Variants in CATSPER2 observed in about 807,000 individuals in gnomAD.
CATSPER2 encodes the protein cation channel sperm-associated protein 2.
CATSPER2 carries 56 observed loss-of-function variants against 68.8 expected under a neutral mutation model. The ratio of observed to expected loss-of-function variants is 0.81; its 90% CI spans 0.66 to 1.02. The LOEUF (loss-of-function observed/expected upper bound fraction) is 1.02, where lower values mean the gene tolerates loss of function less well. Among genes scored for constraint, CATSPER2 ranks in the 50% least tolerant of loss-of-function variants. CATSPER2 has a pLI of 0.00. For synonymous variants in CATSPER2, 198 were observed against 229.9 expected (o/e 0.86, Z 1.26); for missense variants, 582 against 642.0 (o/e 0.91, Z 1.01).
At chr15:43,638,080 G>A in intron 7 of CATSPER2, among the ~76,000 whole-genome samples, 1 of 150,770 alleles carries the variant, frequency 6.6e-6, no homozygotes, top group Admixed American at 6.6e-5. Flanking sequence ...TCAGCCTCTG[G>A]AGTAGCTGGG....
chr15:43,630,779 C>T (rs2085857750), intron 12 of CATSPER2, 47 bp from the exon 13 acceptor site: 1 of 1,611,854 alleles, frequency 6.2e-7, no homozygotes, highest in Admixed American at 1.7e-5. Flanking sequence ...GAATATTCTA[C>T]ATATATAAAT....
Position 43,632,337 on chromosome 15 carries a change from G to A in CATSPER2, c.1423C>T (p.His475Tyr), listed in dbSNP as rs1567125178. Residue 475 changes from histidine (H) to tyrosine (Y), a missense_variant, in exon 12 of 13, where the codon CAC becomes TAC. His to Tyr is a moderately conservative substitution (Grantham distance 83). This residue lies in a region of CATSPER2 where 235 missense variants were observed against 264.2 expected (regional missense o/e 0.89). Coordinates refer to ENST00000396879, the MANE Select transcript of CATSPER2 (RefSeq NM_172095.4). ...TCCATTAGCCCGGGCAGATTTTCGT[G>A]CACAAGAGTCTCCCAGTCCAAACGA... is the stretch of plus-strand genomic sequence containing the variant. ...IGRLDWETLV[H>Y]ENLPGLMEMD... 2 of 1,613,664 alleles carry A rather than the reference G, an allele frequency of 1.2e-6. No homozygotes were observed. The highest frequency in any genetic ancestry group is 4.5e-5 in the East Asian group (2 of 44,864).
intron 4 of CATSPER2, 82 bp downstream of exon 4, chr15:43,646,968 C>A: frequency 8.3e-7 from 1 of 1,199,266 alleles, no homozygotes. Flanking sequence ...CCACACGCCC[C>A]GGCCTCCCAA....
At chr15:43,634,847 A>T (rs2141552834) in intron 10 of CATSPER2, 1 of 160,700 alleles carries the variant, frequency 6.2e-6, no homozygotes, top group Admixed American at 5.9e-5. Flanking sequence ...AAAATGACAG[A>T]AATATATTCC....
rs750782349 is a variant in CATSPER2, at chr15:43,636,158, G to A, written c.904C>T (p.Leu302=). 115 of 1,609,328 alleles carry A rather than the reference G, an allele frequency of 7.1e-5. No individual in the cohort carries two copies. The highest frequency in any genetic ancestry group is 9.3e-5 in the Non-Finnish European group (110 of 1,176,736). Residue 302 remains leucine, a synonymous_variant, in exon 8 of 13, where the codon CTG becomes TTG. Transcript: ENST00000396879. ...ILFTLDHWYA[L]LQDVWKVPEV... is the part of the protein sequence containing the mutation. ...GGCACCTTCCAGACGTCCTGAAGCA[G>A]TGCATACCAATGATCCAAGGTGAAG...
intron 3 of CATSPER2, 41 bp from the exon 4 acceptor site, chr15:43,647,159 T>C (rs746656174): frequency 2.8e-5 from 45 of 1,584,322 alleles, no homozygotes; most frequent in Non-Finnish European, 3.2e-5. Context: ...GAGTTCTTTC[T>C]GATTTATGCA....
intron 12 of CATSPER2, 124 bp downstream of exon 12, chr15:43,632,075 T>G (rs1301762109): frequency 9.2e-7 from 1 of 1,089,288 alleles, no homozygotes; most frequent in East Asian, 2.4e-5. Context: ...TTTCTGCCTA[T>G]TTTAGTTGTA....
At chr15:43,643,655 G>C (rs1380769453) in intron 4 of CATSPER2, among the ~76,000 whole-genome samples, 1 of 151,822 alleles carries the variant, frequency 6.6e-6, no homozygotes, top group African/African-American at 2.4e-5. Flanking sequence ...ATTTCATGAA[G>C]AGCATTAAGA....
At chr15:43,645,451 A>C (rs2086147108) in intron 4 of CATSPER2, among the ~76,000 whole-genome samples, 1 of 151,836 alleles carries the variant, frequency 6.6e-6, no homozygotes, top group Admixed American at 6.6e-5. Flanking sequence ...TATCTGTGTG[A>C]AATAAACAGC....
At chr15:43,648,482 T>C (rs2086215056) in intron 1 of CATSPER2, 147 bp downstream of exon 1, 3 of 791,944 alleles carry the variant, frequency 3.8e-6, no homozygotes, top group African/African-American at 1.8e-5. Flanking sequence ...CTTGGCCTGC[T>C]CACGCAAGAG....
intron 12 of CATSPER2, among the ~76,000 whole-genome samples, chr15:43,631,262 C>G (rs1026025713): frequency 6.6e-6 from 1 of 152,120 alleles, no homozygotes; most frequent in Non-Finnish European, 1.5e-5. Flanking sequence ...GACGGAGCCT[C>G]ATTCTTTTGC....
rs764717778 is a variant in CATSPER2, at chr15:43,647,031, A to G, written c.388+19T>C. On this transcript the variant is annotated intron_variant, in intron 4 of 12. Coordinates refer to ENST00000396879, the MANE Select transcript of CATSPER2 (RefSeq NM_172095.4). Reference sequence around the variant, plus strand: ...CGTGCCCGGCCTCACTTCCTCTTTCATACAAGGTCAGTTCTCACCTATTTC... The same window carrying G: ...CGTGCCCGGCCTCACTTCCTCTTTCGTACAAGGTCAGTTCTCACCTATTTC... 6.2e-7 allele frequency: 1 copy of G among 1,602,614 alleles called. No individual in the cohort carries two copies. The highest frequency in any genetic ancestry group is 8.5e-7 in the Non-Finnish European group (1 of 1,169,736).
At position 43,638,975 on chromosome 15, in the gene CATSPER2, C is replaced by T; in HGVS notation, c.771G>A (p.Val257=). The T allele has an allele frequency of 6.2e-7, 1 of 1,613,092 alleles. No homozygotes were observed. The highest frequency in any genetic ancestry group is 1.1e-5 in the South Asian group (1 of 91,010). Residue 257 remains valine, a synonymous_variant, in exon 7 of 13, where the codon GTG becomes GTA. Transcript: ENST00000396879. ...LLLIFFYIFA[V]TGVYVFSEYT... ...ACTCTGAGAAGACGTAGACACCAGT[C>T]ACAGCAAAAATGTAGAAGAAGATGA...
At chr15:43,637,267 G>A (rs2085981220) in intron 7 of CATSPER2, among the ~76,000 whole-genome samples, 1 of 151,874 alleles carries the variant, frequency 6.6e-6, no homozygotes, top group Admixed American at 6.6e-5. Flanking sequence ...TTGCTGGTAT[G>A]AAATGATACC....
At position 43,635,728 on chromosome 15, in the gene CATSPER2, T is replaced by C; in HGVS notation, c.1120A>G (p.Arg374Gly). The stretch of plus-strand genomic sequence containing the variant: ...GGGGTTGAAAAGGGAGAAGCAGACC[T>C]CTGGATGATCTGCCGCTTGAACATG... The part of the protein sequence containing the change: ...ADMFKRQIIQ[R>G]RKNMSHEALT... The change falls in exon 9 of 13, where the codon AGG (arginine) becomes GGG (glycine). Residue 374 changes from arginine (R) to glycine (G), a missense_variant and splice_region_variant. Physicochemically the swap from Arg to Gly is moderately radical, Grantham distance 125 (BLOSUM62 -2). Transcript: ENST00000396879. 1.2e-6 allele frequency: 2 copies of C among 1,611,938 alleles called. No individual in the cohort carries two copies. Among genetic ancestry groups the C allele is most frequent in the Non-Finnish European group, 1.7e-6 (2 of 1,178,482 alleles).
In CATSPER2 at chr15:43,648,762, C is replaced by T. The variant is rs887123183; in HGVS notation, c.-136G>A. On this transcript the variant is annotated 5_prime_UTR_variant, in exon 1 of 13. Coordinates refer to ENST00000396879, the MANE Select transcript of CATSPER2 (RefSeq NM_172095.4). ...CCCAGCCTCACTGCGCCCCATTCCC[C>T]GCCCCGCTCGACCCCCAGGTTTCGG... 90 of 1,527,952 alleles carry T rather than the reference C, an allele frequency of 5.9e-5. 2 individuals carry two copies. The highest frequency in any genetic ancestry group is 6.9e-5 in the Non-Finnish European group (79 of 1,141,472). 94.6% of individuals were successfully genotyped at this position (1,527,952 alleles called of 1,614,324 possible). A position where few individuals can be genotyped will look rare whatever the true frequency, so the allele number is the denominator to read the frequency against.
At chr15:43,637,096 T>A (rs1282885594) in intron 7 of CATSPER2, among the ~76,000 whole-genome samples, 3 of 151,982 alleles carry the variant, frequency 2.0e-5, no homozygotes, top group African/African-American at 7.2e-5. Context: ...GTGCTGGGAT[T>A]ACAGGTGTGA....
chr15:43,638,809 A>G, intron 7 of CATSPER2, 95 bp downstream of exon 7: 1 of 1,439,710 alleles, frequency 6.9e-7, no homozygotes, highest in East Asian at 2.3e-5. Context: ...TTCTTGGAAT[A>G]GACTGCACTT....
At chr15:43,645,865 G>A (rs2086154381) in intron 4 of CATSPER2, among the ~76,000 whole-genome samples, 2 of 151,954 alleles carry the variant, frequency 1.3e-5, no homozygotes, top group African/African-American at 4.8e-5. Context: ...CATCATTTCT[G>A]AGCAGTTTGA....
Sources: gnomAD v4.1 joint callset for allele counts (sites outside exome capture counted in the v4.1 genomes callset) on GRCh38, gnomAD v4.1.1 for gene constraint, gnomAD v4.1.1 regional missense constraint, MANE v1.5 for transcripts, NCBI Gene and HGNC (gene_info 2026-07-23, HGNC 2026-07-21) for gene names.